The following NXPH1 variants were observed in gnomAD, a reference collection of about 807,000 sequenced individuals.
NXPH1 encodes neurexophilin 1.
NXPH1 carries 5 observed loss-of-function variants against 23.7 expected under a neutral mutation model. The ratio of observed to expected loss-of-function variants is 0.21; its 90% CI spans 0.11 to 0.44. The LOEUF is 0.44. Among genes scored for constraint, NXPH1 ranks in the 20% least tolerant of loss-of-function variants. The probability of loss-of-function intolerance (pLI) is 0.99; values close to 1 mark genes in which losing one functional copy is unlikely to be tolerated. For missense variants in NXPH1, 324 were observed against 321.6 expected (o/e 1.01, Z -0.06); for synonymous variants, 144 against 122.2 (o/e 1.18, Z -1.18).
At position 8,469,658 on chromosome 7, in the gene NXPH1, G is replaced by A. The variant is rs183928198; in HGVS notation, c.54+33891G>A. 1.4e-4 allele frequency among the ~76,000 whole-genome samples: 22 copies of A among 152,120 alleles called. No individual in the cohort carries two copies. The East Asian group carries it at 4.1e-3, about 28-fold the overall frequency. On this transcript the variant is annotated intron_variant, in intron 2 of 2. Coordinates refer to ENST00000405863, the MANE Select transcript of NXPH1 (RefSeq NM_152745.3). The stretch of plus-strand genomic sequence containing the variant: ...TAACTTCATTATGAAGGTTACCAGG[G>A]ATCTTTACACTTTAATTCTATCGAA...
chr7:8,505,145 C>G (rs182978488), intron 2 of NXPH1, among the ~76,000 whole-genome samples: 1 of 152,122 alleles, frequency 6.6e-6, no homozygotes, highest in Admixed American at 6.6e-5. Flanking sequence ...CACTGAAGGT[C>G]AGTGTTTTCC....
At position 8,567,046 on chromosome 7, in the gene NXPH1, C is replaced by T. The variant is rs140330772; in HGVS notation, c.54+131279C>T. The stretch of plus-strand genomic sequence containing the variant: ...TTGACCGTCTGCTTTATCTCTCACA[C>T]ATACACATCTGTGATGGAAGCTTTG... On this transcript the variant is annotated intron_variant, in intron 2 of 2. Transcript: ENST00000405863. 6.7e-3 allele frequency among the ~76,000 whole-genome samples: 1,011 copies of T among 152,018 alleles called. 9 individuals are homozygous for T. The highest frequency in any genetic ancestry group is 0.022 in the African/African-American group (893 of 41,532).
At chr7:8,608,049 G>A (rs892566634) in intron 2 of NXPH1, among the ~76,000 whole-genome samples, 3 of 152,166 alleles carry the variant, frequency 2.0e-5, no homozygotes, top group East Asian at 1.9e-4. Flanking sequence ...GATTCTATCC[G>A]GAGTCTCAGA....
intron 2 of NXPH1, among the ~76,000 whole-genome samples, chr7:8,462,922 AAAT>A (rs1284731099): frequency 2.4e-4 from 36 of 152,212 alleles, no homozygotes; most frequent in Non-Finnish European, 2.9e-5. Context: ...TAGACTAATA[AAAT>A]CTCAAAGTTT....
At chr7:8,639,073 T>C (rs79581238) in intron 2 of NXPH1, among the ~76,000 whole-genome samples, 8,194 of 152,238 alleles carry the variant, frequency 0.054, 448 homozygotes, top group East Asian at 0.17. Flanking sequence ...AGCAGTCGAT[T>C]ACTGGTAGCT....
intron 2 of NXPH1, among the ~76,000 whole-genome samples, chr7:8,500,744 C>A (rs1394659838): frequency 2.0e-5 from 3 of 152,036 alleles, no homozygotes; most frequent in Non-Finnish European, 4.4e-5. Context: ...TATCCATAAT[C>A]CTAATAGCAA....
At chr7:8,533,992 C>G (rs370460989) in intron 2 of NXPH1, among the ~76,000 whole-genome samples, 4 of 152,126 alleles carry the variant, frequency 2.6e-5, no homozygotes, top group East Asian at 3.9e-4. Context: ...CAAGATAATT[C>G]ATTTTTAATT....
At chr7:8,733,087 T>C (rs1441086024) in intron 2 of NXPH1, among the ~76,000 whole-genome samples, 1 of 152,062 alleles carries the variant, frequency 6.6e-6, no homozygotes, top group Non-Finnish European at 1.5e-5. Flanking sequence ...GTCCATGTGT[T>C]CTCATTGTTC....
intron 2 of NXPH1, among the ~76,000 whole-genome samples, chr7:8,534,013 G>A (rs1414898293): frequency 6.6e-6 from 1 of 152,100 alleles, no homozygotes; most frequent in African/African-American, 2.4e-5. Flanking sequence ...TTGACCAAAT[G>A]TTAACAACAT....
intron 2 of NXPH1, among the ~76,000 whole-genome samples, chr7:8,625,551 A>G (rs1819969203): frequency 6.6e-6 from 1 of 152,196 alleles, no homozygotes; most frequent in African/African-American, 2.4e-5. Context: ...TGTGGAACAC[A>G]GTCTCAAGTA....
chr7:8,639,367 A>G (rs1018906128), intron 2 of NXPH1, among the ~76,000 whole-genome samples: 1 of 152,170 alleles, frequency 6.6e-6, no homozygotes, highest in East Asian at 1.9e-4. Flanking sequence ...GATTCCAGAC[A>G]CTACAAACAA....
chr7:8,744,316 T>C (rs1257055349), intron 2 of NXPH1, among the ~76,000 whole-genome samples: 2 of 152,214 alleles, frequency 1.3e-5, no homozygotes, highest in Non-Finnish European at 2.9e-5. Context: ...ACTTTTGACA[T>C]GGAAAATTAT....
At chr7:8,648,624 A>G (rs1820434724) in intron 2 of NXPH1, among the ~76,000 whole-genome samples, 1 of 152,226 alleles carries the variant, frequency 6.6e-6, no homozygotes, top group Non-Finnish European at 1.5e-5. Flanking sequence ...TGCAACAAAC[A>G]TGGGAGTGCC....
intron 2 of NXPH1, among the ~76,000 whole-genome samples, chr7:8,705,068 G>A (rs1779682218): frequency 6.6e-6 from 1 of 152,122 alleles, no homozygotes; most frequent in Non-Finnish European, 1.5e-5. Context: ...TGCTACTGCA[G>A]TCCACTAGTC....
intron 2 of NXPH1, among the ~76,000 whole-genome samples, chr7:8,522,358 T>C (rs1817787026): frequency 6.6e-6 from 1 of 152,208 alleles, no homozygotes. Context: ...TTGCACAGCA[T>C]TGAGGCCTGT....
At chr7:8,691,046 G>A (rs574253015) in intron 2 of NXPH1, among the ~76,000 whole-genome samples, 1 of 152,094 alleles carries the variant, frequency 6.6e-6, no homozygotes, top group African/African-American at 2.4e-5. Flanking sequence ...AACTGATTGG[G>A]GTGACATATG....
chr7:8,710,288 C>T (rs1779766475), intron 2 of NXPH1, among the ~76,000 whole-genome samples: 1 of 152,174 alleles, frequency 6.6e-6, no homozygotes, highest in Non-Finnish European at 1.5e-5. Flanking sequence ...TCATTAAAAG[C>T]TCAAAGTCCC....
At chr7:8,735,143 T>A (rs911558256) in intron 2 of NXPH1, among the ~76,000 whole-genome samples, 1 of 152,192 alleles carries the variant, frequency 6.6e-6, no homozygotes, top group Non-Finnish European at 1.5e-5. Flanking sequence ...TTCTTTCTCT[T>A]GCCTGATTGC....
chr7:8,597,197 G>A (rs1819244977), intron 2 of NXPH1, among the ~76,000 whole-genome samples: 1 of 152,102 alleles, frequency 6.6e-6, no homozygotes, highest in Non-Finnish European at 1.5e-5. Flanking sequence ...AAGTGTTCAA[G>A]AGATGAGAAT....
Sources: gnomAD v4.1 joint callset for allele counts (sites outside exome capture counted in the v4.1 genomes callset) on GRCh38, gnomAD v4.1.1 for gene constraint, MANE v1.5 for transcripts, NCBI Gene and HGNC (gene_info 2026-07-23, HGNC 2026-07-21) for gene names.